RNGTT: variants seen among roughly 807,000 people sequenced by gnomAD.
RNGTT encodes RNA guanylyltransferase and 5'-phosphatase.
In RNGTT, 33 loss-of-function variants were observed where a neutral mutation model predicts 79.3. That is an observed-to-expected ratio of 0.42 (90% CI 0.32 to 0.56). The LOEUF (loss-of-function observed/expected upper bound fraction) is 0.56, where lower values mean the gene tolerates loss of function less well. Among genes scored for constraint, RNGTT ranks in the 20% least tolerant of loss-of-function variants. RNGTT has a pLI of 0.17. For missense variants in RNGTT, 497 were observed against 739.1 expected, an observed-to-expected ratio of 0.67 and a Z score of 3.80; for synonymous variants, 222 against 235.9, an observed-to-expected ratio of 0.94 and a Z score of 0.54.
At chr6:88,718,413 A>G (rs1183837995) in intron 13 of RNGTT, among the ~76,000 whole-genome samples, 1 of 151,962 alleles carries the variant, frequency 6.6e-6, no homozygotes, top group Admixed American at 6.6e-5. Context: ...AAAGGAAAAA[A>G]AAGTACTGTT....
intron 13 of RNGTT, among the ~76,000 whole-genome samples, chr6:88,710,320 T>TCATACATA (rs1342622625): frequency 6.6e-6 from 1 of 152,250 alleles, no homozygotes; most frequent in Non-Finnish European, 1.5e-5. Flanking sequence ...TGTATTTAAA[T>TCATACATA]ATACTGTATG....
chr6:88,644,542 A>ATTTTAGAC (rs1475847645), intron 14 of RNGTT, among the ~76,000 whole-genome samples: 77 of 152,334 alleles, frequency 5.1e-4, no homozygotes, highest in African/African-American at 1.7e-3. Context: ...TGGCAGAGAC[A>ATTTTAGAC]CAACAAAAAA....
chr6:88,900,505 A>G (rs1011212866), intron 6 of RNGTT, among the ~76,000 whole-genome samples: 2 of 150,246 alleles, frequency 1.3e-5, no homozygotes, highest in Non-Finnish European at 3.0e-5. Flanking sequence ...AGGTTGAGGC[A>G]GGTGGGTCAC....
At chr6:88,921,137 C>T (rs953361224) in intron 4 of RNGTT, among the ~76,000 whole-genome samples, 1 of 152,058 alleles carries the variant, frequency 6.6e-6, no homozygotes, top group African/African-American at 2.4e-5. Context: ...ATAGTACTTT[C>T]ATTTATTTTT....
intron 13 of RNGTT, among the ~76,000 whole-genome samples, chr6:88,707,863 T>C (rs927539720): frequency 6.6e-6 from 1 of 151,892 alleles, no homozygotes; most frequent in South Asian, 2.1e-4. Context: ...ATCTCTAAAG[T>C]ACAAAAGGCC....
chr6:88,754,514 C>A (rs929243990), intron 13 of RNGTT, among the ~76,000 whole-genome samples: 13 of 152,192 alleles, frequency 8.5e-5, no homozygotes, highest in Non-Finnish European at 1.6e-4. Flanking sequence ...ACTCCAAAAA[C>A]CAGATTTGAG....
At chr6:88,696,923 T>A (rs1364565972) in intron 13 of RNGTT, among the ~76,000 whole-genome samples, 1 of 152,130 alleles carries the variant, frequency 6.6e-6, no homozygotes, top group Non-Finnish European at 1.5e-5. Flanking sequence ...CACAAATCAA[T>A]TTTTTTCAGT....
At chr6:88,930,076 A>G (rs976729737) in intron 2 of RNGTT, among the ~76,000 whole-genome samples, 1 of 146,576 alleles carries the variant, frequency 6.8e-6, no homozygotes, top group African/African-American at 2.5e-5. Flanking sequence ...ATATGTATAC[A>G]TATACATATA....
chr6:88,809,845 T>C (rs1404374016), intron 11 of RNGTT, among the ~76,000 whole-genome samples: 1 of 151,698 alleles, frequency 6.6e-6, no homozygotes, highest in Non-Finnish European at 1.5e-5. Flanking sequence ...GGCCAAGAGA[T>C]TGAGACCAGC....
At chr6:88,627,872 C>T (rs1221669762) in intron 14 of RNGTT, among the ~76,000 whole-genome samples, 2 of 152,118 alleles carry the variant, frequency 1.3e-5, no homozygotes, top group East Asian at 3.8e-4. Context: ...CAAGTCTGTA[C>T]CTCAAGTCAA....
At chr6:88,777,615 C>A (rs1051557923) in intron 12 of RNGTT, among the ~76,000 whole-genome samples, 1 of 151,970 alleles carries the variant, frequency 6.6e-6, no homozygotes, top group African/African-American at 2.4e-5. Context: ...AGGCTGTTAT[C>A]GATTGGTGTA....
chr6:88,649,103 T>C (rs573663024), intron 14 of RNGTT, among the ~76,000 whole-genome samples: 1 of 152,324 alleles, frequency 6.6e-6, no homozygotes, highest in South Asian at 2.1e-4. Flanking sequence ...TCATTTCTCT[T>C]AAAGTCACAG....
chr6:88,946,361 C>CA (rs1785009481), intron 1 of RNGTT, among the ~76,000 whole-genome samples: 1 of 152,178 alleles, frequency 6.6e-6, no homozygotes, highest in African/African-American at 2.4e-5. Flanking sequence ...CTCCACTGAG[C>CA]AGCCATTCCT....
At chr6:88,655,713 T>A (rs1478291444) in intron 14 of RNGTT, among the ~76,000 whole-genome samples, 1 of 152,210 alleles carries the variant, frequency 6.6e-6, no homozygotes, top group South Asian at 2.1e-4. Context: ...CTTTCTGCAG[T>A]GTCAAAGTGG....
At chr6:88,798,039 T>C (rs1779658171) in intron 12 of RNGTT, among the ~76,000 whole-genome samples, 1 of 152,056 alleles carries the variant, frequency 6.6e-6, no homozygotes, top group African/African-American at 2.4e-5. Context: ...GAGACTGTTC[T>C]ATTTTTCAGC....
At chr6:88,929,790 C>T (rs1341494867) in intron 2 of RNGTT, among the ~76,000 whole-genome samples, 1 of 151,316 alleles carries the variant, frequency 6.6e-6, no homozygotes, top group East Asian at 1.9e-4. Flanking sequence ...CCATTTATAT[C>T]ATATATATGA....
chr6:88,643,739 C>T (rs1188477363), intron 14 of RNGTT, among the ~76,000 whole-genome samples: 1 of 152,162 alleles, frequency 6.6e-6, no homozygotes, highest in Non-Finnish European at 1.5e-5. Flanking sequence ...GAACAACCTG[C>T]TCCTGAATGA....
chr6:88,887,124 A>T (rs1782890704), intron 8 of RNGTT, among the ~76,000 whole-genome samples: 1 of 152,030 alleles, frequency 6.6e-6, no homozygotes, highest in Non-Finnish European at 1.5e-5. Context: ...AGGCTAATGC[A>T]AAATTCTTAC....
At chr6:88,707,079 G>C (rs148480003) in intron 13 of RNGTT, among the ~76,000 whole-genome samples, 47 of 152,236 alleles carry the variant, frequency 3.1e-4, no homozygotes, top group African/African-American at 5.5e-4. Flanking sequence ...GTTTTAGATA[G>C]TAGGCAAAAA....
Sources: allele counts gnomAD v4.1 joint callset (sites outside exome capture counted in the v4.1 genomes callset), GRCh38; gene constraint gnomAD v4.1.1; transcripts MANE v1.5; gene names NCBI Gene and HGNC (gene_info 2026-07-23, HGNC 2026-07-21).